The following TMCO5A variants were observed in gnomAD, a reference collection of about 807,000 sequenced individuals.
The protein encoded by TMCO5A is transmembrane and coiled-coil domain-containing protein 5A.
TMCO5A carries 34 observed loss-of-function variants against 42.3 expected under a neutral mutation model. The observed-to-expected ratio is 0.80, with a 90% CI of 0.61 to 1.07. TMCO5A has a LOEUF of 1.07. TMCO5A is among the 50% of genes least tolerant of loss of function. TMCO5A has a pLI of 0.00. For missense variants in TMCO5A, 357 were observed against 327.9 expected (o/e 1.09, Z -0.69); for synonymous variants, 131 against 115.6 (o/e 1.13, Z -0.86).
chr15:37,969,003 G>A (rs1337212142), downstream of TMCO5A, among the ~76,000 whole-genome samples: 1 of 152,162 alleles, frequency 6.6e-6, no homozygotes, highest in East Asian at 1.9e-4. Context: ...TGTAGTGTTG[G>A]GAATACATGG....
chr15:37,946,163 A>C (rs1465289315), intron 10 of TMCO5A, among the ~76,000 whole-genome samples: 3 of 152,138 alleles, frequency 2.0e-5, no homozygotes, highest in Non-Finnish European at 2.9e-5. Context: ...GGTTTATTGA[A>C]GATCAGATGG....
chr15:38,022,516 G>C, the TMCO5A span, among the ~76,000 whole-genome samples: 3 of 152,138 alleles, frequency 2.0e-5, no homozygotes, highest in Non-Finnish European at 4.4e-5. Flanking sequence ...GGACTAGGCA[G>C]AGCACAGAGG....
chr15:38,021,444 A>C, the TMCO5A span, among the ~76,000 whole-genome samples: 1 of 140,806 alleles, frequency 7.1e-6, no homozygotes, highest in Admixed American at 7.5e-5. Flanking sequence ...ACTTAATATC[A>C]CATGCATAGA....
chr15:37,967,293 A>T (rs1247227333), exon 12 of TMCO5A: 1 of 152,186 alleles, frequency 6.6e-6, no homozygotes, highest in Admixed American at 6.6e-5. Context: ...AGTACAAGAG[A>T]AAATTATTTT....
At chr15:38,009,919 C>T in the TMCO5A span, among the ~76,000 whole-genome samples, 4 of 152,048 alleles carry the variant, frequency 2.6e-5, no homozygotes, top group African/African-American at 9.7e-5. Context: ...GAGAATGCCC[C>T]CCCAAAAATT....
chr15:37,986,132 G>T, the TMCO5A span, among the ~76,000 whole-genome samples: 2 of 152,032 alleles, frequency 1.3e-5, no homozygotes, highest in African/African-American at 4.8e-5. Context: ...GTTTATAAGA[G>T]ATTTTGAAGG....
the TMCO5A span, among the ~76,000 whole-genome samples, chr15:38,017,296 T>G: frequency 6.6e-6 from 1 of 151,564 alleles, no homozygotes; most frequent in African/African-American, 2.4e-5. Flanking sequence ...GATGGAGGAG[T>G]GCATAGTTTG....
At chr15:37,979,571 G>A in the TMCO5A span, among the ~76,000 whole-genome samples, 1 of 152,202 alleles carries the variant, frequency 6.6e-6, no homozygotes. Flanking sequence ...GGGATGGGGT[G>A]AGTGGGGACC....
At chr15:37,994,179 C>T in the TMCO5A span, among the ~76,000 whole-genome samples, 2 of 152,208 alleles carry the variant, frequency 1.3e-5, no homozygotes, top group African/African-American at 4.8e-5. Flanking sequence ...GGAAGTAATA[C>T]AGTGACAGAG....
At chr15:37,974,403 G>T in the TMCO5A span, among the ~76,000 whole-genome samples, 1 of 152,088 alleles carries the variant, frequency 6.6e-6, no homozygotes, top group Non-Finnish European at 1.5e-5. Flanking sequence ...TTTATGATTG[G>T]TAGGCTTTTG....
chr15:38,038,407 T>A, the TMCO5A span, among the ~76,000 whole-genome samples: 5 of 136,350 alleles, frequency 3.7e-5, no homozygotes, highest in Admixed American at 3.6e-4. Context: ...TGAAAATTTC[T>A]TTTTTTTTTT....
At chr15:37,955,368 G>A (rs910427659), downstream of TMCO5A, among the ~76,000 whole-genome samples, 13 of 150,714 alleles carry the variant, frequency 8.6e-5, no homozygotes, top group East Asian at 9.8e-4. Flanking sequence ...TCCCAGTAAC[G>A]AAAAGCTCAG....
chr15:37,992,233 A>AAGT, the TMCO5A span, among the ~76,000 whole-genome samples: 1 of 152,194 alleles, frequency 6.6e-6, no homozygotes, highest in Non-Finnish European at 1.5e-5. Flanking sequence ...TGCGGCCAAC[A>AAGT]AGTGTATTTT....
the TMCO5A span, among the ~76,000 whole-genome samples, chr15:38,023,388 T>G: frequency 1.3e-5 from 2 of 152,194 alleles, no homozygotes; most frequent in African/African-American, 4.8e-5. Flanking sequence ...ATCTCTCTCT[T>G]TGTTAGTCTT....
At chr15:37,999,279 T>A in the TMCO5A span, among the ~76,000 whole-genome samples, 1 of 152,220 alleles carries the variant, frequency 6.6e-6, no homozygotes, top group African/African-American at 2.4e-5. Context: ...GGTATTTTAT[T>A]TTATTTGTAG....
chr15:37,954,995 T>C (rs923173955), downstream of TMCO5A, among the ~76,000 whole-genome samples: 8 of 151,332 alleles, frequency 5.3e-5, no homozygotes, highest in South Asian at 6.3e-4. Flanking sequence ...CCAGACAGAA[T>C]CACCTTTACT....
intron 6 of TMCO5A, among the ~76,000 whole-genome samples, chr15:37,939,982 T>C (rs1889675131): frequency 6.6e-6 from 1 of 151,992 alleles, no homozygotes; most frequent in South Asian, 2.1e-4. Flanking sequence ...TCATGTCTGC[T>C]CTTCTACAAA....
the TMCO5A span, among the ~76,000 whole-genome samples, chr15:38,011,450 T>C: frequency 6.6e-6 from 1 of 152,110 alleles, no homozygotes; most frequent in East Asian, 1.9e-4. Flanking sequence ...TTTTTAAACT[T>C]AATCTCAGAA....
chr15:37,999,662 A>G, the TMCO5A span, among the ~76,000 whole-genome samples: 1 of 152,262 alleles, frequency 6.6e-6, no homozygotes, highest in Admixed American at 6.5e-5. Flanking sequence ...CTAGCTGTGG[A>G]TCTATCACAT....
Sources: gnomAD v4.1 joint callset for allele counts (sites outside exome capture counted in the v4.1 genomes callset) on GRCh38, gnomAD v4.1.1 for gene constraint, MANE v1.5 for transcripts, NCBI Gene and HGNC (gene_info 2026-07-23, HGNC 2026-07-21) for gene names.